Variants in CAB39L observed in about 807,000 individuals in gnomAD.
The protein encoded by CAB39L is calcium-binding protein 39-like.
In CAB39L, 23 loss-of-function variants were observed where a neutral mutation model predicts 39.1. The observed-to-expected ratio is 0.59, with a 90% confidence interval of 0.42 to 0.83. The LOEUF (loss-of-function observed/expected upper bound fraction) is 0.83, where lower values mean the gene tolerates loss of function less well. Among genes scored for constraint, CAB39L ranks in the 40% least tolerant of loss-of-function variants. The pLI, the probability that CAB39L is intolerant of heterozygous loss-of-function variation, is 0.00. For synonymous variants in CAB39L, 126 were observed against 137.2 expected, an observed-to-expected ratio of 0.92 and a Z score of 0.57; for missense variants, 366 against 391.9, an observed-to-expected ratio of 0.93 and a Z score of 0.56.
intron 7 of CAB39L, among the ~76,000 whole-genome samples, chr13:49,347,882 T>TTCCC (rs1955228378): frequency 6.6e-6 from 1 of 152,062 alleles, no homozygotes; most frequent in South Asian, 2.1e-4. Flanking sequence ...CCTTCCTTCC[T>TTCCC]TCCCTCACTC....
chr13:49,346,609 T>C lies in CAB39L; in HGVS notation c.565-2371A>G, dbSNP rs911989009. ...GGGGTAGAGTGAGAGAGACACTTAA[T>C]TGCAGGGACATAAAAGGCTGAGGAG... On this transcript the variant is annotated intron_variant, in intron 7 of 10. Coordinates refer to ENST00000409308, the MANE Select transcript of CAB39L (RefSeq NM_001079670.3). Among the ~76,000 whole-genome samples the C allele has an allele frequency of 5.3e-5, 8 of 152,148 alleles. No individual in the cohort carries two copies. In the South Asian group the frequency reaches 6.2e-4, roughly 12 times the overall value.
At chr13:49,393,884 A>G (rs567855112) in intron 3 of CAB39L, among the ~76,000 whole-genome samples, 1 of 152,116 alleles carries the variant, frequency 6.6e-6, no homozygotes, top group African/African-American at 2.4e-5. Context: ...AAATGAAATG[A>G]AAAGTGTTAT....
intron 3 of CAB39L, chr13:49,413,871 C>T (rs1332714825): frequency 6.6e-6 from 1 of 152,168 alleles, no homozygotes; most frequent in African/African-American, 2.4e-5. Flanking sequence ...TGGATTTTCC[C>T]TGTGCCTTTC....
chr13:49,392,389 A>C (rs1049122911), intron 3 of CAB39L, among the ~76,000 whole-genome samples: 2 of 152,190 alleles, frequency 1.3e-5, no homozygotes, highest in African/African-American at 2.4e-5. Context: ...CTGTAATCCC[A>C]GCACTCTGGG....
intron 1 of CAB39L, among the ~76,000 whole-genome samples, chr13:49,443,441 T>C (rs1212576342): frequency 6.6e-6 from 1 of 151,878 alleles, no homozygotes; most frequent in Non-Finnish European, 1.5e-5. Flanking sequence ...ATGGCCTTAG[T>C]AAAGTAACCC....
chr13:49,407,183 T>A (rs1956899058), intron 3 of CAB39L, among the ~76,000 whole-genome samples: 2 of 152,166 alleles, frequency 1.3e-5, no homozygotes, highest in African/African-American at 4.8e-5. Flanking sequence ...TCAAATGGCA[T>A]CATGGCATGC....
At chr13:49,419,129 G>A (rs1159033052) in intron 3 of CAB39L, among the ~76,000 whole-genome samples, 1 of 151,640 alleles carries the variant, frequency 6.6e-6, no homozygotes, top group East Asian at 2.0e-4. Context: ...CACCATGCCT[G>A]GCTAATTTTT....
intron 9 of CAB39L, among the ~76,000 whole-genome samples, chr13:49,336,704 A>G (rs1014655248): frequency 1.3e-5 from 2 of 152,150 alleles, no homozygotes; most frequent in Admixed American, 6.5e-5. Flanking sequence ...TACTACTCCA[A>G]TTGCCATCTT....
chr13:49,407,475 T>C (rs1023840925), intron 3 of CAB39L, among the ~76,000 whole-genome samples: 1 of 151,946 alleles, frequency 6.6e-6, no homozygotes, highest in African/African-American at 2.4e-5. Flanking sequence ...ACATTAGTGG[T>C]TAAAAAAGAG....
At chr13:49,329,299 G>A (rs1340998705) in intron 10 of CAB39L, among the ~76,000 whole-genome samples, 1 of 151,882 alleles carries the variant, frequency 6.6e-6, no homozygotes, top group East Asian at 1.9e-4. Context: ...ACAAATTTTA[G>A]AATCAGCTTG....
At chr13:49,341,757 G>A (rs1199490681) in intron 8 of CAB39L, among the ~76,000 whole-genome samples, 4 of 152,204 alleles carry the variant, frequency 2.6e-5, no homozygotes, top group East Asian at 1.9e-4. Context: ...ACAAAGAAAC[G>A]ATAAATATTT....
intron 8 of CAB39L, among the ~76,000 whole-genome samples, chr13:49,343,756 A>T (rs776057873): frequency 1.2e-4 from 18 of 152,168 alleles, no homozygotes; most frequent in Non-Finnish European, 5.9e-5. Context: ...CAAAAGGATG[A>T]GTTGGATTCA....
At chr13:49,353,784 T>C (rs2138479494) in intron 6 of CAB39L, among the ~76,000 whole-genome samples, 1 of 152,298 alleles carries the variant, frequency 6.6e-6, no homozygotes, top group South Asian at 2.1e-4. Context: ...GGATATGTTT[T>C]ACTTATCCTG....
intron 3 of CAB39L, among the ~76,000 whole-genome samples, chr13:49,430,830 T>G (rs1312322857): frequency 6.6e-6 from 1 of 152,220 alleles, no homozygotes; most frequent in African/African-American, 2.4e-5. Context: ...TCGTAATTCC[T>G]GTTAATACCG....
At chr13:49,360,012 G>A (rs1431117065) in intron 5 of CAB39L, among the ~76,000 whole-genome samples, 180 bp from the exon 6 acceptor site, 5 of 152,032 alleles carry the variant, frequency 3.3e-5, no homozygotes, top group Non-Finnish European at 5.9e-5. Flanking sequence ...TGCAAACACA[G>A]TCTACAAAAT....
At chr13:49,435,249 T>C (rs1317137375) in intron 1 of CAB39L, among the ~76,000 whole-genome samples, 1 of 152,224 alleles carries the variant, frequency 6.6e-6, no homozygotes, top group Non-Finnish European at 1.5e-5. Flanking sequence ...CCTTAGTTTA[T>C]GCAATCAGTT....
chr13:49,357,609 A>G (rs1002281144), intron 6 of CAB39L, among the ~76,000 whole-genome samples: 16 of 152,232 alleles, frequency 1.1e-4, no homozygotes, highest in African/African-American at 3.9e-4. Context: ...TTAAATAATA[A>G]CCATGTATTA....
At chr13:49,357,275 T>C (rs574456058) in intron 6 of CAB39L, among the ~76,000 whole-genome samples, 1 of 152,292 alleles carries the variant, frequency 6.6e-6, no homozygotes, top group South Asian at 2.1e-4. Context: ...GCAATATCCT[T>C]ACTCTCTCTG....
At chr13:49,358,876 G>C (rs924936665) in intron 6 of CAB39L, among the ~76,000 whole-genome samples, 2 of 151,578 alleles carry the variant, frequency 1.3e-5, no homozygotes, top group Admixed American at 6.6e-5. Context: ...AAGAAAGAAA[G>C]AAAAGAAAAA....
Sources: allele counts gnomAD v4.1 joint callset (sites outside exome capture counted in the v4.1 genomes callset), GRCh38; gene constraint gnomAD v4.1.1; transcripts MANE v1.5; gene names NCBI Gene and HGNC (gene_info 2026-07-23, HGNC 2026-07-21).